The following PCDHGB1 variants were observed in gnomAD, a reference collection of about 807,000 sequenced individuals.
PCDHGB1 encodes the protein protocadherin gamma-B1.
Under a neutral mutation model 56.6 loss-of-function variants are expected in PCDHGB1, and 34 were observed. That is an observed-to-expected ratio of 0.60 (90% confidence interval 0.46 to 0.80). The LOEUF is 0.80. PCDHGB1 is among the 30% of genes least tolerant of loss of function. The pLI is 0.00. For missense variants in PCDHGB1, 1,278 were observed against 1,204.6 expected (o/e 1.06, Z -0.90); for synonymous variants, 561 against 505.9 (o/e 1.11, Z -1.46).
intron 3 of PCDHGB1, among the ~76,000 whole-genome samples, chr5:141,506,038 G>C (rs2099850248): frequency 6.6e-6 from 1 of 152,174 alleles, no homozygotes; most frequent in South Asian, 2.1e-4. Context: ...GTAGGATTCT[G>C]GTTTTCCCAT....
At chr5:141,365,297 G>A (rs538677777) in intron 1 of PCDHGB1, 3 of 1,614,014 alleles carry the variant, frequency 1.9e-6, no homozygotes, top group East Asian at 4.5e-5. Context: ...GGTAGCTCAG[G>A]ATGGAGGCGC....
intron 1 of PCDHGB1, chr5:141,478,287 G>A (rs777542913): frequency 3.7e-6 from 6 of 1,614,154 alleles, no homozygotes; most frequent in Non-Finnish European, 5.1e-6. Flanking sequence ...AAGCAGTCTA[G>A]AGACCTATAC....
At chr5:141,466,809 C>T (rs1187657283) in intron 1 of PCDHGB1, among the ~76,000 whole-genome samples, 2 of 152,102 alleles carry the variant, frequency 1.3e-5, no homozygotes, top group African/African-American at 4.8e-5. Context: ...CCTATTCAGA[C>T]ATGGTATAAC....
At position 141,412,973 on chromosome 5, in the gene PCDHGB1, C is replaced by A. The variant is rs2095594108; in HGVS notation, c.2409+60304C>A. 14 of 528,318 alleles carry A rather than the reference C, an allele frequency of 2.6e-5. No individual in the cohort carries two copies. In the South Asian group the frequency reaches 3.3e-4, roughly 12 times the overall value. The allele number at this position is 528,318 out of a possible 1,614,324, so 32.7% of individuals were successfully genotyped here. A position where few individuals can be genotyped will look rare whatever the true frequency, so the allele number is the denominator to read the frequency against. Reference sequence around the variant, plus strand: ...GCTGTTCACCTACTAGGAGAGAAAACGCAGCCAGAGCTCAATCCGGATTCT... The same window carrying A: ...GCTGTTCACCTACTAGGAGAGAAAAAGCAGCCAGAGCTCAATCCGGATTCT... On this transcript the variant is annotated intron_variant, in intron 1 of 3. Transcript: ENST00000523390.
At chr5:141,361,897 G>C (rs1762228885) in intron 1 of PCDHGB1, 1 of 1,609,754 alleles carries the variant, frequency 6.2e-7, no homozygotes, top group Non-Finnish European at 8.5e-7. Flanking sequence ...CGGCTACCTG[G>C]TGACCAAGGT....
chr5:141,384,934 G>C lies in PCDHGB1; in HGVS notation c.2409+32265G>C, dbSNP rs750109041. Reference sequence around the variant, plus strand: ...AGTCTTGGCCGACCTGGGCAGCCTTGAGCCCTCCGACGGTCCTTACAACTA... The same window carrying C: ...AGTCTTGGCCGACCTGGGCAGCCTTCAGCCCTCCGACGGTCCTTACAACTA... On this transcript the variant is annotated intron_variant, in intron 1 of 3. Coordinates refer to ENST00000523390, the MANE Select transcript of PCDHGB1 (RefSeq NM_018922.3). 2.9e-5 allele frequency: 47 copies of C among 1,614,050 alleles called. No homozygotes were observed. In the East Asian group the frequency reaches 1.0e-3, roughly 34 times the overall value.
chr5:141,512,917 T>C lies in PCDHGB1; in HGVS notation c.*1744T>C, dbSNP rs543880225. On this transcript the variant is annotated 3_prime_UTR_variant, in exon 4 of 4. Transcript: ENST00000523390. ...TGTGTCTCACGCAAGTTTTATACTCTAATATTTATATGGCTTTTTTTCTTC... is the reference window on the plus strand; with the variant it reads ...TGTGTCTCACGCAAGTTTTATACTCCAATATTTATATGGCTTTTTTTCTTC... The C allele has an allele frequency of 1.3e-5, 2 of 152,378 alleles. No individual in the cohort carries two copies. Among genetic ancestry groups the C allele is most frequent in the African/African-American group, 2.4e-5 (1 of 41,588 alleles). The allele number at this position is 152,378 out of a possible 1,614,324, so 9.4% of individuals were successfully genotyped here.
intron 1 of PCDHGB1, chr5:141,478,866 C>G: frequency 7.7e-7 from 1 of 1,304,352 alleles, no homozygotes; most frequent in East Asian, 2.5e-5. Context: ...TCTCAGCGAT[C>G]AGAGTTTAGC....
In PCDHGB1 at chr5:141,499,676, C is replaced by G. The variant is rs534287777; in HGVS notation, c.2468+4811C>G. On this transcript the variant is annotated intron_variant, in intron 2 of 3. Coordinates refer to ENST00000523390, the MANE Select transcript of PCDHGB1 (RefSeq NM_018922.3). Reference sequence around the variant, plus strand: ...ATAATTTCATCTTGGTCTCCACCATCTTTAACAGATGACTTTTTTTTTTTT... The same window carrying G: ...ATAATTTCATCTTGGTCTCCACCATGTTTAACAGATGACTTTTTTTTTTTT... Among the ~76,000 whole-genome samples, 13 of 144,474 alleles carry G rather than the reference C, an allele frequency of 9.0e-5. No homozygotes were observed. In the South Asian group the frequency reaches 2.9e-3, roughly 33 times the overall value. The allele number at this position is 144,474 out of a possible 152,430, so 94.8% of individuals were successfully genotyped here.
Position 141,491,103 on chromosome 5 carries a change from G to C in PCDHGB1, c.2410-3704G>C. 1 of 1,614,162 alleles carries C rather than the reference G, an allele frequency of 6.2e-7. No individual in the cohort carries two copies. Among genetic ancestry groups the C allele is most frequent in the South Asian group, 1.1e-5 (1 of 91,082 alleles). On this transcript the variant is annotated intron_variant, in intron 1 of 3. Transcript: ENST00000523390. The surrounding 1 kb of genome is among the most constrained non-coding windows in gnomAD (Gnocchi z 6.9). ...CCACAGCCCCAGGACTGTTCCTCGT[G>C]TCTACACACACTGGTGAGGTGCGCA... is the stretch of plus-strand genomic sequence containing the variant.
rs994878374 is a variant in PCDHGB1, at chr5:141,491,785, C to T, written c.2410-3022C>T. ...TCCTCATAAGGGATTGAACTTGCAT[C>T]CACTCCTCTCCGGCCGGCTTGGTCG... is the stretch of plus-strand genomic sequence containing the variant. On this transcript the variant is annotated intron_variant, in intron 1 of 3. Transcript: ENST00000523390. The surrounding 1 kb of genome is among the most constrained non-coding windows in gnomAD (Gnocchi z 6.9). 20 of 1,529,458 alleles carry T rather than the reference C, an allele frequency of 1.3e-5. No individual in the cohort carries two copies. Among genetic ancestry groups the T allele is most frequent in the Non-Finnish European group, 1.8e-5 (20 of 1,139,198 alleles). The allele number at this position is 1,529,458 out of a possible 1,614,324, so 94.7% of individuals were successfully genotyped here. A position where few individuals can be genotyped will look rare whatever the true frequency, so the allele number is the denominator to read the frequency against.
intron 2 of PCDHGB1, among the ~76,000 whole-genome samples, chr5:141,502,194 T>C (rs1470985683): frequency 2.6e-5 from 4 of 152,212 alleles, no homozygotes; most frequent in Non-Finnish European, 4.4e-5. Flanking sequence ...TACAATAATA[T>C]AGAATCCACC....
At chr5:141,500,223 T>TATTG (rs1554186512) in intron 2 of PCDHGB1, among the ~76,000 whole-genome samples, 5 of 145,410 alleles carry the variant, frequency 3.4e-5, no homozygotes, top group African/African-American at 5.2e-5. Context: ...TTTATTTATT[T>TATTG]ATTGATACGT....
At chr5:141,377,627 T>A (rs893549240) in intron 1 of PCDHGB1, 5 of 152,084 alleles carry the variant, frequency 3.3e-5, no homozygotes, top group African/African-American at 9.7e-5. Context: ...AAGATTTTGT[T>A]TTTTCTCAGT....
Position 141,360,422 on chromosome 5 carries a change from G to A in PCDHGB1, c.2409+7753G>A, listed in dbSNP as rs1042149116. The stretch of plus-strand genomic sequence containing the variant: ...GACAGAATAGACCGAGAACAGATAT[G>A]CGGGAAGCAGCCTCTGTGTGTTCTG... On this transcript the variant is annotated intron_variant, in intron 1 of 3. Coordinates refer to ENST00000523390, the MANE Select transcript of PCDHGB1 (RefSeq NM_018922.3). The A allele has an allele frequency of 1.1e-5, 17 of 1,613,872 alleles. No individual in the cohort carries two copies. The highest frequency in any genetic ancestry group is 1.4e-5 in the Non-Finnish European group (17 of 1,179,902).
intron 1 of PCDHGB1, chr5:141,362,397 G>C (rs778703789): frequency 4.3e-6 from 7 of 1,614,018 alleles, no homozygotes; most frequent in Non-Finnish European, 5.9e-6. Context: ...CCTACAACCT[G>C]TGTGTTGCCT....
intron 1 of PCDHGB1, chr5:141,364,288 A>G (rs1051262701): frequency 5.9e-6 from 9 of 1,517,572 alleles, no homozygotes; most frequent in Non-Finnish European, 7.9e-6. Context: ...AGGAAACAGC[A>G]GGCTGAACCA....
rs1369150914 is a variant in PCDHGB1 at position 141,432,217 on chromosome 5, G to A, written c.2410-62590G>A. The A allele has an allele frequency of 3.1e-6, 5 of 1,614,204 alleles. No individual in the cohort carries two copies. The East Asian group carries it at 6.7e-5, about 22-fold the overall frequency. On this transcript the variant is annotated intron_variant, in intron 1 of 3. Coordinates refer to ENST00000523390, the MANE Select transcript of PCDHGB1 (RefSeq NM_018922.3). The surrounding 1 kb of genome is among the most constrained non-coding windows in gnomAD (Gnocchi z 6.0). ...ACCCCGACTGTGAAGAGAACGCCCAGATCACTTATTCCCTGGCTGAGAACA... is the reference window on the plus strand; with the variant it reads ...ACCCCGACTGTGAAGAGAACGCCCAAATCACTTATTCCCTGGCTGAGAACA...
At chr5:141,366,268 C>A in intron 1 of PCDHGB1, 4 of 1,613,720 alleles carry the variant, frequency 2.5e-6, no homozygotes, top group Non-Finnish European at 3.4e-6. Flanking sequence ...TGGTGGCCGT[C>A]GAAGACCATG....
Sources: allele counts gnomAD v4.1 joint callset (sites outside exome capture counted in the v4.1 genomes callset), GRCh38; gene constraint gnomAD v4.1.1; non-coding constraint Gnocchi (gnomAD v3.1); transcripts MANE v1.5; gene names NCBI Gene and HGNC (gene_info 2026-07-23, HGNC 2026-07-21).